The following ADAMTS9 variants were observed in gnomAD, a reference collection of about 807,000 sequenced individuals.
The protein encoded by ADAMTS9 is A disintegrin and metalloproteinase with thrombospondin motifs 9.
In ADAMTS9, 107 loss-of-function variants were observed where a neutral mutation model predicts 257.1. The ratio of observed to expected loss-of-function variants is 0.42; its 90% confidence interval spans 0.36 to 0.49. ADAMTS9 has a LOEUF of 0.49. ADAMTS9 is among the 20% of genes least tolerant of loss of function. The pLI is 0.03. For synonymous variants in ADAMTS9, 982 were observed against 880.9 expected (o/e 1.11, Z -2.03); for missense variants, 2,353 against 2,469.1 (o/e 0.95, Z 1.00).
At chr3:64,627,864 T>G (rs1002208767) in intron 16 of ADAMTS9, among the ~76,000 whole-genome samples, 3 of 152,192 alleles carry the variant, frequency 2.0e-5, no homozygotes, top group African/African-American at 7.2e-5. Flanking sequence ...GGAACAGCTG[T>G]GACTGGACTC....
intron 2 of ADAMTS9, among the ~76,000 whole-genome samples, chr3:64,683,672 T>G (rs974848085): frequency 6.6e-6 from 1 of 152,232 alleles, no homozygotes; most frequent in Non-Finnish European, 1.5e-5. Context: ...CAAAATTAAT[T>G]GTACTGTTGA....
chr3:64,604,468 A>C lies in ADAMTS9; in HGVS notation c.3475-137T>G. On this transcript the variant is annotated intron_variant, in intron 23 of 39. Transcript: ENST00000498707. ...TTCTGTGTGAATCTGGGCAAGTCAC[A>C]TGACATCTCTCAGTCCCAATGTCTT... The C allele has an allele frequency of 8.5e-6, 5 of 586,968 alleles. No individual in the cohort carries two copies. The South Asian group carries it at 1.4e-4, about 17-fold the overall frequency. 36.4% of individuals were successfully genotyped at this position (586,968 alleles called of 1,614,324 possible).
intron 23 of ADAMTS9, among the ~76,000 whole-genome samples, chr3:64,604,921 A>C (rs1015090510): frequency 3.3e-5 from 5 of 152,222 alleles, no homozygotes; most frequent in Non-Finnish European, 7.3e-5. Flanking sequence ...GTAATATTCC[A>C]AGATATGCAA....
chr3:64,547,512 A>ATTC (rs1553701757), intron 31 of ADAMTS9, among the ~76,000 whole-genome samples: 1 of 122,132 alleles, frequency 8.2e-6, no homozygotes, highest in Non-Finnish European at 1.6e-5. Flanking sequence ...CTGGCTATAG[A>ATTC]TTTTTTTTTT....
At chr3:64,539,060 T>C (rs1265211923) in intron 37 of ADAMTS9, 143 bp downstream of exon 37, 2 of 739,494 alleles carry the variant, frequency 2.7e-6, no homozygotes, top group Non-Finnish European at 4.7e-6. Context: ...CCAGAGCATT[T>C]GAGAGGGTCT....
At chr3:64,536,965 T>C (rs2083058807) in intron 37 of ADAMTS9, among the ~76,000 whole-genome samples, 1 of 152,238 alleles carries the variant, frequency 6.6e-6, no homozygotes, top group African/African-American at 2.4e-5. Context: ...CTTTGATTTC[T>C]GTGCAATCAC....
chr3:64,571,296 A>G (rs939256953), intron 28 of ADAMTS9, among the ~76,000 whole-genome samples: 3 of 152,340 alleles, frequency 2.0e-5, no homozygotes, highest in South Asian at 4.1e-4. Flanking sequence ...GATAGGTACT[A>G]TTAGTGGAGA....
intron 29 of ADAMTS9, among the ~76,000 whole-genome samples, chr3:64,563,688 C>T (rs1273825663): frequency 1.3e-5 from 2 of 152,174 alleles, no homozygotes; most frequent in African/African-American, 4.8e-5. Flanking sequence ...AATTAAGACA[C>T]AGGAAAGTTC....
In ADAMTS9 at chr3:64,596,724, G is replaced by A. The variant is rs1033811037; in HGVS notation, c.4179+106C>T. 8.0e-6 allele frequency: 11 copies of A among 1,371,662 alleles called. No individual in the cohort carries two copies. In the East Asian group the frequency reaches 9.3e-5, roughly 12 times the overall value. The allele number at this position is 1,371,662 out of a possible 1,614,324, so 85.0% of individuals were successfully genotyped here. On this transcript the variant is annotated intron_variant, in intron 27 of 39. Transcript: ENST00000498707. ...TTCCTAGTTAATCCCCACCCCAGAA[G>A]CTTCTACTAGAGCTAGTTCTTCTCC...
chr3:64,517,701 C>G (rs1003192186), intron 39 of ADAMTS9, among the ~76,000 whole-genome samples: 8 of 151,644 alleles, frequency 5.3e-5, no homozygotes, highest in African/African-American at 1.9e-4. Flanking sequence ...TTTGGTATTT[C>G]CTTCTAGTCT....
chr3:64,627,022 T>C (rs564040489), intron 16 of ADAMTS9, among the ~76,000 whole-genome samples: 1 of 152,198 alleles, frequency 6.6e-6, no homozygotes, highest in Non-Finnish European at 1.5e-5. Flanking sequence ...GACAGTATGA[T>C]GTGCTGTCAA....
At chr3:64,633,334 A>C in intron 14 of ADAMTS9, 138 bp downstream of exon 14, 1 of 1,306,590 alleles carries the variant, frequency 7.7e-7, no homozygotes, top group Non-Finnish European at 1.0e-6. Context: ...GCTGTTGCTG[A>C]TCCCGGGGCC....
At chr3:64,557,265 G>C (rs922090008) in intron 30 of ADAMTS9, among the ~76,000 whole-genome samples, 2 of 152,154 alleles carry the variant, frequency 1.3e-5, no homozygotes, top group Non-Finnish European at 2.9e-5. Context: ...TGCAGGACCT[G>C]TGAGATCTAT....
intron 2 of ADAMTS9, among the ~76,000 whole-genome samples, chr3:64,682,670 G>T (rs1460118879): frequency 6.6e-6 from 1 of 152,206 alleles, no homozygotes; most frequent in Non-Finnish European, 1.5e-5. Flanking sequence ...AACATCAGCA[G>T]CTGCATCCGC....
Position 64,616,019 on chromosome 3 carries a change from G to A in ADAMTS9, c.2965C>T (p.Arg989Cys), listed in dbSNP as rs531088990. Residue 989 changes from arginine (R) to cysteine (C), a missense_variant, in exon 20 of 40, where the codon CGT becomes TGT. Physicochemically the swap from Arg to Cys is radical, Grantham distance 180 (BLOSUM62 -3). This residue lies in a region of ADAMTS9 where 1,402 missense variants were observed against 1,441.4 expected (regional missense o/e 0.97). Transcript: ENST00000498707. ...TTACATTCCCCTGAGCATTTTTCAC[G>A]GTTGCTTGGTTTGGGATGGCTGCTG... ...FCSSHPKPSN[R>C]EKCSGECNTG... 60 of 1,613,926 alleles carry A rather than the reference G, an allele frequency of 3.7e-5. No individual in the cohort carries two copies. Among genetic ancestry groups the A allele is most frequent in the South Asian group, 6.6e-5 (6 of 91,064 alleles).
intron 26 of ADAMTS9, among the ~76,000 whole-genome samples, chr3:64,600,861 G>T (rs1396502917): frequency 6.6e-6 from 1 of 152,178 alleles, no homozygotes; most frequent in Admixed American, 6.5e-5. Context: ...GTGGGAAACA[G>T]ACAGCTTCCT....
rs1463072525 is a variant in ADAMTS9 at position 64,614,244 on chromosome 3, CT to C, written c.3190-736del. Among the ~76,000 whole-genome samples, 28 of 152,282 alleles carry C rather than the reference CT, an allele frequency of 1.8e-4. No homozygotes were observed. The East Asian group carries it at 2.9e-3, about 16-fold the overall frequency. ...GAAATTATACTTTAGTATTAGCTATCTAAGTAAAATTTAAACCTACTACTTA... is the reference window on the plus strand; with the variant it reads ...GAAATTATACTTTAGTATTAGCTATCAAGTAAAATTTAAACCTACTACTTA... On this transcript the variant is annotated intron_variant, in intron 21 of 39. Coordinates refer to ENST00000498707, the MANE Select transcript of ADAMTS9 (RefSeq NM_182920.2).
At chr3:64,542,584 C>T (rs1011576170) in intron 32 of ADAMTS9, among the ~76,000 whole-genome samples, 1 of 151,952 alleles carries the variant, frequency 6.6e-6, no homozygotes, top group Non-Finnish European at 1.5e-5. Flanking sequence ...CGCACCACCT[C>T]GCCCAACAAA....
chr3:64,548,179 G>GTTTTATTCTCCTGCAAC (rs1163760948), intron 31 of ADAMTS9, among the ~76,000 whole-genome samples: 3 of 152,124 alleles, frequency 2.0e-5, no homozygotes, highest in African/African-American at 7.2e-5. Flanking sequence ...TAGTCACATA[G>GTTTTATTCTCCTGCAAC]TTTTCTTCTC....
Sources: gnomAD v4.1 joint callset for allele counts (sites outside exome capture counted in the v4.1 genomes callset) on GRCh38, gnomAD v4.1.1 for gene constraint, gnomAD v4.1.1 regional missense constraint, MANE v1.5 for transcripts, NCBI Gene and HGNC (gene_info 2026-07-23, HGNC 2026-07-21) for gene names.